GRM8: variants seen among roughly 807,000 people sequenced by gnomAD.
The protein encoded by GRM8 is glutamate metabotropic receptor 8.
GRM8 carries 47 observed loss-of-function variants against 87.2 expected under a neutral mutation model. The observed-to-expected ratio is 0.54, with a 90% confidence interval of 0.43 to 0.69. The LOEUF (loss-of-function observed/expected upper bound fraction) is 0.69, where lower values mean the gene tolerates loss of function less well. Among genes scored for constraint, GRM8 ranks in the 30% least tolerant of loss-of-function variants. The pLI is 0.00. For synonymous variants in GRM8, 396 were observed against 404.5 expected (o/e 0.98, Z 0.25); for missense variants, 1,019 against 1,139.2 (o/e 0.89, Z 1.52).
intron 8 of GRM8, among the ~76,000 whole-genome samples, chr7:126,579,226 A>G (rs1795385104): frequency 6.6e-6 from 1 of 152,202 alleles, no homozygotes; most frequent in Non-Finnish European, 1.5e-5. Flanking sequence ...AAATTCTCTA[A>G]CAGGAAAAAA....
chr7:127,216,129 G>A (rs1331402360), intron 2 of GRM8, among the ~76,000 whole-genome samples: 1 of 152,134 alleles, frequency 6.6e-6, no homozygotes, highest in African/African-American at 2.4e-5. Flanking sequence ...ATTAAAACAG[G>A]AACTTGGCCC....
intron 3 of GRM8, among the ~76,000 whole-genome samples, chr7:126,920,421 T>C (rs1804398071): frequency 6.6e-6 from 1 of 152,128 alleles, no homozygotes; most frequent in African/African-American, 2.4e-5. Flanking sequence ...ACCAATGTTT[T>C]GAAAGCTGAA....
rs140154399 is a variant in GRM8, at chr7:126,608,152, C to T, written c.1494+1210G>A. 4.4e-3 allele frequency among the ~76,000 whole-genome samples: 671 copies of T among 151,702 alleles called. 5 individuals carry two copies. Among genetic ancestry groups the T allele is most frequent in the African/African-American group, 0.015 (640 of 41,416 alleles). ...CTTGCCCTCCCCACCCCAGCATCCA[C>T]AGCCCTGTGCACTGATTTCCTGGGC... is the stretch of plus-strand genomic sequence containing the variant. On this transcript the variant is annotated intron_variant, in intron 8 of 10. Transcript: ENST00000339582.
intron 9 of GRM8, among the ~76,000 whole-genome samples, chr7:126,452,007 T>G (rs1272992857): frequency 1.3e-5 from 2 of 151,800 alleles, no homozygotes; most frequent in Non-Finnish European, 2.9e-5. Context: ...ATATTGGGAA[T>G]TTTACCTGTG....
At chr7:126,755,246 G>T (rs1816874874) in intron 7 of GRM8, among the ~76,000 whole-genome samples, 1 of 151,962 alleles carries the variant, frequency 6.6e-6, no homozygotes. Flanking sequence ...GTCTTTAACA[G>T]TGAAAATGCC....
intron 3 of GRM8, among the ~76,000 whole-genome samples, chr7:127,102,941 C>T: frequency 6.6e-6 from 1 of 152,222 alleles, no homozygotes; most frequent in East Asian, 1.9e-4. Flanking sequence ...CGGCTCACTG[C>T]AACCTCCACC....
At chr7:126,844,273 ATTAT>A (rs1203798926) in intron 6 of GRM8, among the ~76,000 whole-genome samples, 1 of 152,156 alleles carries the variant, frequency 6.6e-6, no homozygotes, top group African/African-American at 2.4e-5. Context: ...TAAAATCCAA[ATTAT>A]TTAGCCCTTT....
At chr7:127,158,099 G>GA (rs1161442316) in intron 2 of GRM8, among the ~76,000 whole-genome samples, 1 of 151,880 alleles carries the variant, frequency 6.6e-6, no homozygotes, top group Non-Finnish European at 1.5e-5. Context: ...TGAGAGAATA[G>GA]AAAAAAAATT....
chr7:126,775,929 A>G (rs950232645), intron 6 of GRM8, among the ~76,000 whole-genome samples: 45 of 152,014 alleles, frequency 3.0e-4, no homozygotes, highest in African/African-American at 9.7e-4. Context: ...GTCCTTGAAT[A>G]TTACATAAGA....
At chr7:126,920,074 G>T (rs1397185972) in intron 3 of GRM8, among the ~76,000 whole-genome samples, 1 of 152,106 alleles carries the variant, frequency 6.6e-6, no homozygotes, top group Non-Finnish European at 1.5e-5. Context: ...ATGAGAGTAA[G>T]ACTCCCACAT....
intron 3 of GRM8, among the ~76,000 whole-genome samples, chr7:127,042,882 T>A (rs1818561476): frequency 6.6e-6 from 1 of 151,982 alleles, no homozygotes; most frequent in Admixed American, 6.6e-5. Flanking sequence ...AGGGCTAATA[T>A]CCAGAATCTA....
At chr7:126,706,712 T>G (rs1447089348) in intron 7 of GRM8, among the ~76,000 whole-genome samples, 2 of 152,300 alleles carry the variant, frequency 1.3e-5, no homozygotes, top group African/African-American at 4.8e-5. Flanking sequence ...GAATGCAGAA[T>G]GTTTTGCCTT....
chr7:126,652,358 G>T (rs1366901837), intron 7 of GRM8, among the ~76,000 whole-genome samples: 1 of 152,108 alleles, frequency 6.6e-6, no homozygotes, highest in East Asian at 1.9e-4. Context: ...TCGACAAGGC[G>T]TAGACTTACA....
In GRM8 at chr7:126,467,552, A is replaced by G. The variant is rs77210288; in HGVS notation, c.2431-21180T>C. Among the ~76,000 whole-genome samples, 85 of 152,064 alleles carry G rather than the reference A, an allele frequency of 5.6e-4. 1 individual carries two copies. The East Asian group carries it at 0.016, about 29-fold the overall frequency. On this transcript the variant is annotated intron_variant, in intron 9 of 10. Coordinates refer to ENST00000339582, the MANE Select transcript of GRM8 (RefSeq NM_000845.3). Reference sequence around the variant, plus strand: ...TGTGACAGTATTTTAATTCTATTGAATTGTTGCTTCCACTATTTTATTTAC... The same window carrying G: ...TGTGACAGTATTTTAATTCTATTGAGTTGTTGCTTCCACTATTTTATTTAC...
chr7:126,779,533 C>T lies in GRM8; in HGVS notation c.1157-9468G>A, dbSNP rs963294853. Among the ~76,000 whole-genome samples the T allele has an allele frequency of 1.1e-4, 17 of 152,134 alleles. No homozygotes were observed. In the South Asian group the frequency reaches 3.3e-3, roughly 30 times the overall value. ...TCAAAAAGTTAGAACTTTTATTAGT[C>T]ATATCAATTTTTAAAATTAATTATG... On this transcript the variant is annotated intron_variant, in intron 6 of 10. Coordinates refer to ENST00000339582, the MANE Select transcript of GRM8 (RefSeq NM_000845.3).
chr7:126,965,726 C>T (rs1374077249), intron 3 of GRM8, among the ~76,000 whole-genome samples: 1 of 152,012 alleles, frequency 6.6e-6, no homozygotes, highest in East Asian at 1.9e-4. Context: ...CAGTAAAGTT[C>T]AGTATACTCC....
chr7:126,601,523 G>T (rs558503208), intron 8 of GRM8, among the ~76,000 whole-genome samples: 162 of 151,788 alleles, frequency 1.1e-3, no homozygotes, highest in African/African-American at 3.7e-3. Flanking sequence ...TTCCACAATG[G>T]TTGAACTAGT....
intron 2 of GRM8, among the ~76,000 whole-genome samples, chr7:127,121,373 G>A (rs938136817): frequency 3.9e-5 from 6 of 152,096 alleles, no homozygotes; most frequent in South Asian, 2.1e-4. Context: ...AGAGACTTGG[G>A]AATGAGTCTT....
At chr7:126,491,872 A>C (rs764261569) in intron 9 of GRM8, among the ~76,000 whole-genome samples, 1 of 152,052 alleles carries the variant, frequency 6.6e-6, no homozygotes, top group African/African-American at 2.4e-5. Flanking sequence ...TCATTCATAC[A>C]GATCATATAT....
Sources: allele counts gnomAD v4.1 joint callset (sites outside exome capture counted in the v4.1 genomes callset), GRCh38; gene constraint gnomAD v4.1.1; transcripts MANE v1.5; gene names NCBI Gene and HGNC (gene_info 2026-07-23, HGNC 2026-07-21).